The following DPP6 variants were observed in gnomAD, a reference collection of about 807,000 sequenced individuals.
DPP6 encodes the protein dipeptidyl peptidase like 6.
DPP6 carries 69 observed loss-of-function variants against 122.6 expected under a neutral mutation model. The ratio of observed to expected loss-of-function variants is 0.56; its 90% CI spans 0.46 to 0.69. DPP6 has a LOEUF of 0.69. Among genes scored for constraint, DPP6 ranks in the 30% least tolerant of loss-of-function variants. The pLI is 0.00. For missense variants in DPP6, 928 were observed against 1,116.9 expected (o/e 0.83, Z 2.41); for synonymous variants, 418 against 433.1 (o/e 0.97, Z 0.43).
intron 1 of DPP6, among the ~76,000 whole-genome samples, chr7:154,439,362 C>A (rs1819169554): frequency 6.6e-6 from 1 of 152,190 alleles, no homozygotes; most frequent in African/African-American, 2.4e-5. Context: ...TCATAGCCAT[C>A]TTTTCACTGA....
At chr7:154,200,094 G>A (rs79900199) in intron 1 of DPP6, among the ~76,000 whole-genome samples, 2,608 of 152,076 alleles carry the variant, frequency 0.017, 90 homozygotes, top group African/African-American at 0.058. Context: ...AATCAAACAC[G>A]GAACACATAC....
intron 19 of DPP6, among the ~76,000 whole-genome samples, chr7:154,874,787 C>T (rs769062887): frequency 5.3e-5 from 8 of 152,188 alleles, no homozygotes; most frequent in Non-Finnish European, 1.2e-4. Flanking sequence ...CTCTCCTGTC[C>T]ATCTTTTTCC....
intron 17 of DPP6, among the ~76,000 whole-genome samples, chr7:154,862,634 G>A (rs1434809443): frequency 2.6e-5 from 4 of 152,212 alleles, no homozygotes; most frequent in African/African-American, 9.6e-5. Flanking sequence ...GTGCCTCGAG[G>A]AGCACCTGCA....
chr7:154,077,954 C>T (rs1362075713), intron 1 of DPP6, among the ~76,000 whole-genome samples: 4 of 152,108 alleles, frequency 2.6e-5, no homozygotes, highest in South Asian at 2.1e-4. Flanking sequence ...CAGGCATGAG[C>T]TACTGCTCCC....
At chr7:154,152,632 G>A (rs758559044) in intron 1 of DPP6, among the ~76,000 whole-genome samples, 8 of 152,128 alleles carry the variant, frequency 5.3e-5, no homozygotes, top group South Asian at 2.1e-4. Context: ...ACTTAGTTCC[G>A]GCAAAACCTC....
chr7:154,589,357 C>T (rs896552199), intron 5 of DPP6, among the ~76,000 whole-genome samples: 2 of 152,210 alleles, frequency 1.3e-5, no homozygotes, highest in Non-Finnish European at 2.9e-5. Flanking sequence ...GTGACTTTGT[C>T]CTGGTGACAC....
intron 1 of DPP6, among the ~76,000 whole-genome samples, chr7:154,215,425 A>T (rs546658583): frequency 1.3e-5 from 2 of 152,282 alleles, no homozygotes; most frequent in African/African-American, 4.8e-5. Flanking sequence ...TATCAAGTGG[A>T]TTTATAGAAC....
At chr7:154,119,545 A>C (rs1189190176) in intron 1 of DPP6, among the ~76,000 whole-genome samples, 1 of 151,132 alleles carries the variant, frequency 6.6e-6, no homozygotes, top group Admixed American at 6.6e-5. Flanking sequence ...GTGTCATCTC[A>C]ACAATGGTGA....
chr7:154,227,345 G>C (rs1800671401), intron 1 of DPP6, among the ~76,000 whole-genome samples: 1 of 152,212 alleles, frequency 6.6e-6, no homozygotes, highest in Non-Finnish European at 1.5e-5. Flanking sequence ...CAGAAAGACA[G>C]ATATGACATG....
chr7:154,672,448 T>C (rs1378132983), intron 7 of DPP6, among the ~76,000 whole-genome samples: 2 of 152,214 alleles, frequency 1.3e-5, no homozygotes, highest in African/African-American at 4.8e-5. Flanking sequence ...ACAAACAGAT[T>C]GATTAATTCA....
At chr7:154,438,742 T>C (rs1242721833) in intron 1 of DPP6, among the ~76,000 whole-genome samples, 1 of 152,190 alleles carries the variant, frequency 6.6e-6, no homozygotes, top group African/African-American at 2.4e-5. Flanking sequence ...TTGGAATCTT[T>C]ACACCATATG....
chr7:154,642,234 G>T (rs1202846835), intron 6 of DPP6, among the ~76,000 whole-genome samples: 18 of 152,120 alleles, frequency 1.2e-4, no homozygotes, highest in Admixed American at 1.2e-3. Context: ...ACTTCTGGTT[G>T]TGTGACCTTG....
the DPP6 span, among the ~76,000 whole-genome samples, chr7:153,843,280 G>GCA: frequency 9.0e-3 from 1,025 of 113,422 alleles, 10 homozygotes; most frequent in East Asian, 0.05. Flanking sequence ...ATGCGCGCGC[G>GCA]CACACACACA....
At position 154,772,865 on chromosome 7, in the gene DPP6, C is replaced by A. The variant is rs776476825; in HGVS notation, c.1059C>A (p.Ser353Arg). The change falls in exon 10 of 26, where the codon AGC becomes AGA. Residue 353 changes from serine to arginine, a missense_variant. By Grantham distance (110) the Ser-to-Arg change is moderately radical. Transcript: ENST00000377770. Reference protein sequence around the residue: ...HYPKAGSENPSISLHVIGLNG... With the variant: ...HYPKAGSENPRISLHVIGLNG... ...CCCAGGCTGGAAGTGAGAACCCCAG[C>A]ATTTCCCTACACGTTATTGGCTTAA... 1 of 1,612,228 alleles carries A rather than the reference C, an allele frequency of 6.2e-7. No homozygotes were observed. The highest frequency in any genetic ancestry group is 1.3e-5 in the African/African-American group (1 of 74,538).
At chr7:153,983,109 A>G (rs910266561) in intron 1 of DPP6, among the ~76,000 whole-genome samples, 4 of 152,252 alleles carry the variant, frequency 2.6e-5, no homozygotes, top group African/African-American at 9.6e-5. Context: ...CAGAGCCAGC[A>G]GGCAGGAACG....
chr7:154,843,822 G>A (rs1335666816), intron 16 of DPP6, among the ~76,000 whole-genome samples: 1 of 152,202 alleles, frequency 6.6e-6, no homozygotes, highest in Non-Finnish European at 1.5e-5. Context: ...AGGAGTCCCC[G>A]CATAGACCTC....
At chr7:153,847,130 A>G in the DPP6 span, among the ~76,000 whole-genome samples, 724 of 152,308 alleles carry the variant, frequency 4.8e-3, 7 homozygotes, top group African/African-American at 0.017. Flanking sequence ...AAAAATTCAG[A>G]TAGTTTCTAA....
At chr7:154,121,856 C>CT (rs1008020102) in intron 1 of DPP6, among the ~76,000 whole-genome samples, 5 of 151,918 alleles carry the variant, frequency 3.3e-5, no homozygotes, top group Non-Finnish European at 7.4e-5. Context: ...AACAAAAATT[C>CT]TTTTTTTTCT....
chr7:154,050,631 T>C (rs1243510829), upstream of DPP6, among the ~76,000 whole-genome samples: 1 of 150,928 alleles, frequency 6.6e-6, no homozygotes, highest in Non-Finnish European at 1.5e-5. Flanking sequence ...CTAATTGTGG[T>C]GACTTTTAAA....
Sources: gnomAD v4.1 joint callset for allele counts (sites outside exome capture counted in the v4.1 genomes callset) on GRCh38, gnomAD v4.1.1 for gene constraint, MANE v1.5 for transcripts, NCBI Gene and HGNC (gene_info 2026-07-23, HGNC 2026-07-21) for gene names.